Variants in OTUD7A observed in about 807,000 individuals in gnomAD.
OTUD7A encodes the protein OTU deubiquitinase 7A, also known as OTU domain-containing protein 7A.
In OTUD7A, 12 loss-of-function variants were observed where a neutral mutation model predicts 65.7. The ratio of observed to expected loss-of-function variants is 0.18; its 90% CI spans 0.12 to 0.30. OTUD7A has a LOEUF of 0.30. Ranked by LOEUF, OTUD7A falls within the 10% of genes least tolerant of loss-of-function variation. The pLI, the probability that OTUD7A is intolerant of heterozygous loss-of-function variation, is 1.00. For missense variants in OTUD7A, 1,148 were observed against 1,304.8 expected, an observed-to-expected ratio of 0.88 and a Z score of 1.85; for synonymous variants, 641 against 586.3, an observed-to-expected ratio of 1.09 and a Z score of -1.35.
At chr15:31,520,895 G>A (rs144305553) in intron 8 of OTUD7A, among the ~76,000 whole-genome samples, 10 of 152,226 alleles carry the variant, frequency 6.6e-5, no homozygotes, top group African/African-American at 1.4e-4. Flanking sequence ...GTCCATCAAC[G>A]TAGGATTAGA....
At chr15:31,561,534 T>A (rs1235178997) in intron 4 of OTUD7A, among the ~76,000 whole-genome samples, 1 of 152,040 alleles carries the variant, frequency 6.6e-6, no homozygotes, top group Non-Finnish European at 1.5e-5. Context: ...CCCGGGCCCA[T>A]CAATCAGCAC....
At chr15:31,495,084 G>A (rs1034437634) in intron 10 of OTUD7A, among the ~76,000 whole-genome samples, 2 of 152,176 alleles carry the variant, frequency 1.3e-5, no homozygotes, top group African/African-American at 2.4e-5. Context: ...TTGTAGCTCA[G>A]GAGGGGACAG....
At chr15:31,739,050 AC>A (rs34705792) in intron 1 of OTUD7A, among the ~76,000 whole-genome samples, 146,969 of 152,228 alleles carry the variant, frequency 0.97, 71,168 homozygotes, top group East Asian at 1. Flanking sequence ...ATGAAAGCAC[AC>A]ATTTCTGGGG....
intron 5 of OTUD7A, among the ~76,000 whole-genome samples, chr15:31,546,127 C>T (rs1402684596): frequency 2.6e-5 from 4 of 152,120 alleles, no homozygotes; most frequent in African/African-American, 9.7e-5. Flanking sequence ...CCATTTTCTA[C>T]AAGGAACTCG....
At chr15:31,600,163 G>A (rs974918716) in intron 3 of OTUD7A, among the ~76,000 whole-genome samples, 5 of 152,154 alleles carry the variant, frequency 3.3e-5, no homozygotes, top group African/African-American at 1.2e-4. Flanking sequence ...TACTCCTCGA[G>A]AAGAGCATCC....
intron 1 of OTUD7A, among the ~76,000 whole-genome samples, chr15:31,774,046 G>A (rs1895306776): frequency 6.6e-6 from 1 of 152,238 alleles, no homozygotes; most frequent in Admixed American, 6.5e-5. Context: ...AAGGCTATCT[G>A]AAGACATGCC....
chr15:31,835,416 T>C (rs889969361), intron 1 of OTUD7A, among the ~76,000 whole-genome samples: 1 of 152,248 alleles, frequency 6.6e-6, no homozygotes, highest in Non-Finnish European at 1.5e-5. Context: ...CAAACTTGTT[T>C]GACCTTCCAA....
chr15:31,616,318 T>C (rs1890584273), intron 3 of OTUD7A, among the ~76,000 whole-genome samples: 1 of 152,202 alleles, frequency 6.6e-6, no homozygotes, highest in Admixed American at 6.5e-5. Context: ...GCTCTTGCCT[T>C]GTCTGGTGTG....
chr15:31,741,841 T>A (rs536079837), intron 1 of OTUD7A, among the ~76,000 whole-genome samples: 1 of 152,052 alleles, frequency 6.6e-6, no homozygotes, highest in African/African-American at 2.4e-5. Context: ...AGAAATTTTT[T>A]AAAAACCCCA....
chr15:31,860,913 G>A (rs1897724296), intron 1 of OTUD7A, among the ~76,000 whole-genome samples: 1 of 141,044 alleles, frequency 7.1e-6, no homozygotes, highest in African/African-American at 2.6e-5. Flanking sequence ...TAGAGACGGG[G>A]TTTCACCATG....
chr15:31,726,940 C>T (rs539978679), intron 1 of OTUD7A, among the ~76,000 whole-genome samples: 20 of 152,324 alleles, frequency 1.3e-4, no homozygotes, highest in Non-Finnish European at 2.4e-4. Flanking sequence ...TGTCCTATTA[C>T]GATACATGGA....
At chr15:31,864,423 A>G (rs1897824967) in intron 1 of OTUD7A, among the ~76,000 whole-genome samples, 1 of 152,244 alleles carries the variant, frequency 6.6e-6, no homozygotes, top group South Asian at 2.1e-4. Context: ...ACGGCTGGGG[A>G]GACCTCAGAA....
chr15:31,820,097 C>A (rs951600576), intron 1 of OTUD7A, among the ~76,000 whole-genome samples: 5 of 152,170 alleles, frequency 3.3e-5, no homozygotes, highest in African/African-American at 1.2e-4. Context: ...CTTCTGCTGG[C>A]AACCACTTAA....
At chr15:31,599,772 A>G (rs568153450) in intron 3 of OTUD7A, among the ~76,000 whole-genome samples, 1 of 152,326 alleles carries the variant, frequency 6.6e-6, no homozygotes, top group South Asian at 2.1e-4. Context: ...GCTAACTAGA[A>G]TAACTGGTTT....
chr15:31,483,934 G>C lies in OTUD7A; in HGVS notation c.2162C>G (p.Pro721Arg). The C allele has an allele frequency of 9.1e-7, 1 of 1,100,208 alleles. No individual in the cohort carries two copies. The highest frequency in any genetic ancestry group is 1.1e-6 in the Non-Finnish European group (1 of 895,990). The allele number at this position is 1,100,208 out of a possible 1,614,324, so 68.2% of individuals were successfully genotyped here. Residue 721 changes from proline to arginine, a missense_variant, in exon 13 of 13, where the codon CCC becomes CGC. By Grantham distance (103) the Pro-to-Arg change is moderately radical. This residue lies in a region of OTUD7A where 842 missense variants were observed against 769.5 expected (regional missense o/e 1.09). Transcript: ENST00000307050. ...CTTGAGCTTGAGCACCAGCTGCGTG[G>C]GTGGGCCCGGAGAGGCGCGCTCCGG... ...PVPERASPGP[P>R]TQLVLKLKER...
intron 3 of OTUD7A, among the ~76,000 whole-genome samples, chr15:31,635,216 C>T (rs1891302908): frequency 6.6e-6 from 1 of 152,144 alleles, no homozygotes. Context: ...AAAGACTCTC[C>T]TTTGTTTTGA....
intron 1 of OTUD7A, among the ~76,000 whole-genome samples, chr15:31,672,663 C>T (rs879000102): frequency 1.3e-5 from 2 of 152,212 alleles, no homozygotes; most frequent in Non-Finnish European, 2.9e-5. Flanking sequence ...CACACAATAC[C>T]ATCCCTTTAC....
rs775164564 is a variant in OTUD7A, at chr15:31,484,260, A to C, written c.1836T>G (p.Gly612=). The change falls in exon 13 of 13, where the codon GGT becomes GGG. Residue 612 remains glycine, a synonymous_variant. Coordinates refer to ENST00000307050, the MANE Select transcript of OTUD7A (RefSeq NM_001382637.1). This position sits in a 1 kb window ranked among gnomAD's most constrained non-coding sequence, Gnocchi z 4.5. ...AAGASPAEKG[G]GPRGDAWKYS... ...ACTTCCAGGCGTCGCCCCGCGGCCC[A>C]CCGCCCTTCTCCGCCGGCGACGCGC... is the stretch of plus-strand genomic sequence containing the variant. The C allele has an allele frequency of 6.3e-7, 1 of 1,595,802 alleles. No homozygotes were observed. Among genetic ancestry groups the C allele is most frequent in the South Asian group, 1.1e-5 (1 of 89,812 alleles).
chr15:31,753,343 T>C (rs1017468237), intron 1 of OTUD7A, among the ~76,000 whole-genome samples: 1 of 152,084 alleles, frequency 6.6e-6, no homozygotes, highest in East Asian at 1.9e-4. Flanking sequence ...ACAGGTGGTG[T>C]TTGGTTACAC....
Sources: allele counts gnomAD v4.1 joint callset (sites outside exome capture counted in the v4.1 genomes callset), GRCh38; gene constraint gnomAD v4.1.1; regional missense constraint gnomAD v4.1.1; non-coding constraint Gnocchi (gnomAD v3.1); transcripts MANE v1.5; gene names NCBI Gene and HGNC (gene_info 2026-07-23, HGNC 2026-07-21).